The following TMEM132D variants were observed in gnomAD, a reference collection of about 807,000 sequenced individuals.
TMEM132D encodes the protein transmembrane protein 132D.
In TMEM132D, 21 loss-of-function variants were observed where a neutral mutation model predicts 62.3. The ratio of observed to expected loss-of-function variants is 0.34; its 90% CI spans 0.24 to 0.49. The LOEUF is 0.49. Ranked by LOEUF, TMEM132D falls within the 20% of genes least tolerant of loss-of-function variation. The pLI, the probability that TMEM132D is intolerant of heterozygous loss-of-function variation, is 0.99. For missense variants in TMEM132D, 1,346 were observed against 1,402.8 expected (o/e 0.96, Z 0.65); for synonymous variants, 621 against 575.6 (o/e 1.08, Z -1.13).
intron 1 of TMEM132D, among the ~76,000 whole-genome samples, chr12:129,802,944 G>A (rs888841710): frequency 8.0e-5 from 12 of 150,882 alleles, no homozygotes; most frequent in African/African-American, 2.9e-4. Flanking sequence ...GACAAAGAAG[G>A]CCATTACATA....
Position 129,769,811 on chromosome 12 carries a change from G to A in TMEM132D, c.80-69113C>T, listed in dbSNP as rs116242549. On this transcript the variant is annotated intron_variant, in intron 1 of 8. Transcript: ENST00000422113. The stretch of plus-strand genomic sequence containing the variant: ...GGGGTAAAACATTCAAACTTGTGAA[G>A]GACTCACATAGTTGTCCAGGGAAGC... Among the ~76,000 whole-genome samples the A allele has an allele frequency of 6.1e-3, 923 of 152,178 alleles. 6 individuals are homozygous for A. Among genetic ancestry groups the A allele is most frequent in the African/African-American group, 0.021 (876 of 41,512 alleles).
intron 3 of TMEM132D, among the ~76,000 whole-genome samples, chr12:129,419,019 G>T (rs565566067): frequency 6.6e-6 from 1 of 152,288 alleles, no homozygotes; most frequent in South Asian, 2.1e-4. Context: ...GCCTTCCACG[G>T]GAGCAGGGCC....
chr12:129,446,995 A>T (rs186756581), intron 3 of TMEM132D, among the ~76,000 whole-genome samples: 1 of 152,174 alleles, frequency 6.6e-6, no homozygotes, highest in African/African-American at 2.4e-5. Context: ...CCATCAATTC[A>T]AATCTAAAAC....
At chr12:129,465,764 C>T (rs920129240) in intron 3 of TMEM132D, among the ~76,000 whole-genome samples, 2 of 152,130 alleles carry the variant, frequency 1.3e-5, no homozygotes, top group Non-Finnish European at 2.9e-5. Flanking sequence ...CTCACTGTAA[C>T]CTCTGCCTCC....
At chr12:129,819,023 A>C (rs930793561) in intron 1 of TMEM132D, among the ~76,000 whole-genome samples, 3 of 151,804 alleles carry the variant, frequency 2.0e-5, no homozygotes, top group Admixed American at 2.0e-4. Context: ...TGACAGAGTG[A>C]GACTCTGTCT....
chr12:129,317,611 C>G (rs1368449675), intron 4 of TMEM132D, among the ~76,000 whole-genome samples: 1 of 152,178 alleles, frequency 6.6e-6, no homozygotes, highest in Non-Finnish European at 1.5e-5. Flanking sequence ...AACCTGATGA[C>G]AGTGTGCCTA....
chr12:129,406,049 A>G (rs1388608936), intron 3 of TMEM132D, among the ~76,000 whole-genome samples: 1 of 152,250 alleles, frequency 6.6e-6, no homozygotes, highest in East Asian at 1.9e-4. Context: ...TTCTTTCTTC[A>G]TAAACACACA....
intron 2 of TMEM132D, among the ~76,000 whole-genome samples, chr12:129,690,785 C>G (rs1466274417): frequency 6.6e-6 from 1 of 152,108 alleles, no homozygotes; most frequent in Non-Finnish European, 1.5e-5. Flanking sequence ...ACTGATAGAT[C>G]AAACAGGCAG....
intron 2 of TMEM132D, among the ~76,000 whole-genome samples, chr12:129,669,560 C>G (rs2137198464): frequency 6.6e-6 from 1 of 152,096 alleles, no homozygotes; most frequent in Non-Finnish European, 1.5e-5. Context: ...CAAAATTTAG[C>G]CTGGCATGGT....
intron 2 of TMEM132D, among the ~76,000 whole-genome samples, chr12:129,533,324 T>G (rs1380519988): frequency 6.6e-6 from 1 of 152,206 alleles, no homozygotes; most frequent in African/African-American, 2.4e-5. Flanking sequence ...TAGTTAGGAT[T>G]CCTGCCTTGC....
chr12:129,243,356 CTAT>C (rs879398563), intron 4 of TMEM132D, among the ~76,000 whole-genome samples: 2 of 151,800 alleles, frequency 1.3e-5, no homozygotes, highest in African/African-American at 2.4e-5. Context: ...ATGAACAAGT[CTAT>C]TATTATTATT....
At chr12:129,161,259 T>G (rs141113786) in intron 5 of TMEM132D, among the ~76,000 whole-genome samples, 3 of 152,180 alleles carry the variant, frequency 2.0e-5, no homozygotes, top group Admixed American at 2.0e-4. Flanking sequence ...TTATTCTAAA[T>G]AAATGGTAAA....
At chr12:129,426,428 T>C (rs1031614973) in intron 3 of TMEM132D, among the ~76,000 whole-genome samples, 63 of 150,538 alleles carry the variant, frequency 4.2e-4, no homozygotes, top group African/African-American at 1.4e-3. Flanking sequence ...CCTGCACACA[T>C]TCAGGATTCT....
At chr12:129,317,829 G>T in intron 4 of TMEM132D, among the ~76,000 whole-genome samples, 1 of 152,076 alleles carries the variant, frequency 6.6e-6, no homozygotes, top group East Asian at 1.9e-4. Context: ...TGGAGGCTTT[G>T]TTCATATTTT....
At chr12:129,599,358 A>G (rs1026946561) in intron 2 of TMEM132D, among the ~76,000 whole-genome samples, 1 of 152,240 alleles carries the variant, frequency 6.6e-6, no homozygotes, top group African/African-American at 2.4e-5. Context: ...AAGAAATAAT[A>G]AAATGTGATT....
chr12:129,490,596 A>ATTTTTTTTT (rs35535325), intron 3 of TMEM132D, among the ~76,000 whole-genome samples: 79 of 71,106 alleles, frequency 1.1e-3, no homozygotes, highest in African/African-American at 3.5e-3. Context: ...CGCCCGGCTA[A>ATTTTTTTTT]TTTTTTTTTT....
intron 1 of TMEM132D, among the ~76,000 whole-genome samples, chr12:129,830,800 A>G (rs555724846): frequency 1.3e-5 from 2 of 152,178 alleles, no homozygotes; most frequent in Admixed American, 1.3e-4. Flanking sequence ...TATTACAACG[A>G]TTATTTAAAA....
At chr12:129,243,164 C>A (rs981134464) in intron 4 of TMEM132D, among the ~76,000 whole-genome samples, 25 of 152,144 alleles carry the variant, frequency 1.6e-4, no homozygotes, top group African/African-American at 6.0e-4. Context: ...CTTCTCAGGT[C>A]AAAAATAAAT....
intron 3 of TMEM132D, among the ~76,000 whole-genome samples, chr12:129,372,211 C>A (rs1327729538): frequency 6.6e-6 from 1 of 152,160 alleles, no homozygotes; most frequent in Admixed American, 6.5e-5. Context: ...TTCCTTTACC[C>A]CAATGAGACT....
Sources: allele counts gnomAD v4.1 joint callset (sites outside exome capture counted in the v4.1 genomes callset), GRCh38; gene constraint gnomAD v4.1.1; transcripts MANE v1.5; gene names NCBI Gene and HGNC (gene_info 2026-07-23, HGNC 2026-07-21).